The following MCU variants were observed in gnomAD, a reference collection of about 807,000 sequenced individuals.
The protein encoded by MCU is mitochondrial calcium uniporter.
MCU carries 12 observed loss-of-function variants against 45.2 expected under a neutral mutation model. That is an observed-to-expected ratio of 0.27 (90% CI 0.17 to 0.43). The LOEUF (loss-of-function observed/expected upper bound fraction) is 0.43, where lower values mean the gene tolerates loss of function less well. MCU is among the 20% of genes least tolerant of loss of function. The probability of loss-of-function intolerance (pLI) is 1.00; values close to 1 mark genes in which losing one functional copy is unlikely to be tolerated. For missense variants in MCU, 324 were observed against 436.7 expected (o/e 0.74, Z 2.30); for synonymous variants, 160 against 165.1 (o/e 0.97, Z 0.24).
At chr10:72,827,579 T>C (rs1221704632) in intron 1 of MCU, among the ~76,000 whole-genome samples, 1 of 152,214 alleles carries the variant, frequency 6.6e-6, no homozygotes, top group African/African-American at 2.4e-5. Context: ...ATATTATCTC[T>C]GTTTCTAGAT....
In MCU at chr10:72,813,223, A is replaced by T. The variant is rs75154935; in HGVS notation, c.151-21136A>T. ...TCAAATGATATATAGCTAGCTGTGG[A>T]CTGCTAGTGAGCAACAGCTGACCAG... On this transcript the variant is annotated intron_variant, in intron 1 of 7. Coordinates refer to ENST00000373053, the MANE Select transcript of MCU (RefSeq NM_138357.3). 6.6e-3 allele frequency among the ~76,000 whole-genome samples: 1,002 copies of T among 152,240 alleles called. 16 individuals are homozygous for T. Among genetic ancestry groups the T allele is most frequent in the African/African-American group, 0.023 (960 of 41,548 alleles).
chr10:72,843,826 C>T (rs1845080982), intron 2 of MCU, among the ~76,000 whole-genome samples: 1 of 104,710 alleles, frequency 9.6e-6, no homozygotes. Context: ...GTCTTTTCCC[C>T]TTGTTTAAAC....
chr10:72,860,817 C>T (rs1478333061), intron 4 of MCU, among the ~76,000 whole-genome samples: 3 of 152,076 alleles, frequency 2.0e-5, no homozygotes, highest in Non-Finnish European at 4.4e-5. Flanking sequence ...AAGCCCCTTC[C>T]CTTCATAAAG....
chr10:72,781,449 T>C (rs928109033), intron 1 of MCU, among the ~76,000 whole-genome samples: 8 of 152,248 alleles, frequency 5.3e-5, no homozygotes, highest in Admixed American at 2.0e-4. Context: ...TAAGTCCTAG[T>C]CAGGTTATAG....
intron 2 of MCU, among the ~76,000 whole-genome samples, chr10:72,843,297 C>G (rs977808559): frequency 1.3e-4 from 20 of 152,188 alleles, no homozygotes; most frequent in Admixed American, 1.3e-3. Flanking sequence ...CCTCTGTGCT[C>G]TATCTATTCA....
intron 1 of MCU, among the ~76,000 whole-genome samples, chr10:72,706,392 G>C (rs1472332736): frequency 1.3e-5 from 2 of 152,026 alleles, no homozygotes; most frequent in African/African-American, 4.8e-5. Context: ...ATTATTTGGA[G>C]TGATTATAGC....
rs142967911 is a variant in MCU, at chr10:72,880,998, G to A, written c.862-3268G>A. ...TTTTAAATTAGTTGAGTGTGGTGTC[G>A]TGCACCTGTAGGTACGAGCTACTCA... On this transcript the variant is annotated intron_variant, in intron 6 of 7. Transcript: ENST00000373053. 6.7e-3 allele frequency among the ~76,000 whole-genome samples: 1,026 copies of A among 152,170 alleles called. 16 individuals carry two copies. Among genetic ancestry groups the A allele is most frequent in the African/African-American group, 0.023 (944 of 41,516 alleles).
chr10:72,840,028 G>A (rs1845025251), intron 2 of MCU, among the ~76,000 whole-genome samples: 1 of 148,146 alleles, frequency 6.8e-6, no homozygotes, highest in Non-Finnish European at 1.5e-5. Context: ...GTATGGACAT[G>A]TTTTCATTCT....
chr10:72,802,550 G>C (rs1310083882), intron 1 of MCU, among the ~76,000 whole-genome samples: 2 of 152,110 alleles, frequency 1.3e-5, no homozygotes, highest in Non-Finnish European at 2.9e-5. Context: ...CTGAGCAAAA[G>C]GAAATTTATG....
chr10:72,818,299 T>C (rs1844656196), intron 1 of MCU, among the ~76,000 whole-genome samples: 1 of 152,226 alleles, frequency 6.6e-6, no homozygotes, highest in Non-Finnish European at 1.5e-5. Context: ...TTGTGGTTAA[T>C]AATTTTCACA....
chr10:72,692,722 G>T, intron 1 of MCU: 1 of 1,258,738 alleles, frequency 7.9e-7, no homozygotes, highest in East Asian at 3.4e-5. Flanking sequence ...CTGAGTTGCC[G>T]CGGCCGCCTT....
At chr10:72,867,268 T>A (rs1374184376) in intron 4 of MCU, among the ~76,000 whole-genome samples, 1 of 152,000 alleles carries the variant, frequency 6.6e-6, no homozygotes, top group South Asian at 2.1e-4. Context: ...GTACCTAACA[T>A]TTAAAGTTAA....
chr10:72,720,568 C>G (rs1445346399), intron 1 of MCU, among the ~76,000 whole-genome samples: 1 of 152,192 alleles, frequency 6.6e-6, no homozygotes, highest in Non-Finnish European at 1.5e-5. Flanking sequence ...AGGCACAGCT[C>G]AAGTCCTATC....
intron 6 of MCU, among the ~76,000 whole-genome samples, chr10:72,877,636 A>G (rs1410456212): frequency 6.6e-6 from 1 of 152,204 alleles, no homozygotes; most frequent in Non-Finnish European, 1.5e-5. Flanking sequence ...TAAAGATACT[A>G]GAGAACTAAC....
intron 1 of MCU, among the ~76,000 whole-genome samples, chr10:72,696,880 C>T (rs1842694438): frequency 6.6e-6 from 1 of 152,002 alleles, no homozygotes; most frequent in Non-Finnish European, 1.5e-5. Flanking sequence ...TTAGTATTGC[C>T]AGTGCTGTCT....
At chr10:72,714,803 C>T (rs1842938914) in intron 1 of MCU, among the ~76,000 whole-genome samples, 2 of 152,290 alleles carry the variant, frequency 1.3e-5, no homozygotes, top group South Asian at 4.1e-4. Flanking sequence ...CCCTTGGCCT[C>T]CCAAAGTGCT....
At chr10:72,745,227 GTTCAGAATTTTTTTT>G (rs1386939206) in intron 1 of MCU, among the ~76,000 whole-genome samples, 3 of 151,944 alleles carry the variant, frequency 2.0e-5, no homozygotes, top group Non-Finnish European at 4.4e-5. Context: ...GTGGAATACT[GTTCAGAATTTTTTTT>G]TTTGAGATGG....
At chr10:72,728,706 A>T (rs887197008) in intron 1 of MCU, among the ~76,000 whole-genome samples, 7 of 152,138 alleles carry the variant, frequency 4.6e-5, no homozygotes, top group African/African-American at 1.7e-4. Flanking sequence ...CACTGGGGAG[A>T]AGTTTCTATT....
intron 1 of MCU, among the ~76,000 whole-genome samples, chr10:72,799,666 A>G (rs1292123703): frequency 1.3e-5 from 2 of 152,144 alleles, no homozygotes; most frequent in African/African-American, 2.4e-5. Context: ...AAGAGTTCAC[A>G]TTAGATACTG....
Sources: allele counts gnomAD v4.1 joint callset (sites outside exome capture counted in the v4.1 genomes callset), GRCh38; gene constraint gnomAD v4.1.1; transcripts MANE v1.5; gene names NCBI Gene and HGNC (gene_info 2026-07-23, HGNC 2026-07-21).